The following RGS6 variants were observed in gnomAD, a reference collection of about 807,000 sequenced individuals.
RGS6 encodes the protein regulator of G protein signaling 6.
Under a neutral mutation model 78.5 loss-of-function variants are expected in RGS6, and 30 were observed. That is an observed-to-expected ratio of 0.38 (90% confidence interval 0.29 to 0.52). RGS6 has a LOEUF of 0.52. RGS6 is among the 20% of genes least tolerant of loss of function. The pLI is 0.85. For missense variants in RGS6, 495 were observed against 609.7 expected, an observed-to-expected ratio of 0.81 and a Z score of 1.98; for synonymous variants, 206 against 206.0, an observed-to-expected ratio of 1.00 and a Z score of 0.00.
intron 3 of RGS6, among the ~76,000 whole-genome samples, chr14:72,412,357 G>A (rs184897594): frequency 8.5e-4 from 130 of 152,320 alleles, no homozygotes; most frequent in Non-Finnish European, 1.5e-3. Context: ...TTTGCATAGA[G>A]GCGTTTATAG....
At chr14:72,114,465 T>C (rs911180769) in intron 2 of RGS6, among the ~76,000 whole-genome samples, 1 of 152,342 alleles carries the variant, frequency 6.6e-6, no homozygotes, top group African/African-American at 2.4e-5. Context: ...TTTGCCTTCA[T>C]AAACTGTCAG....
chr14:72,012,416 C>T (rs2085966460), intron 2 of RGS6, among the ~76,000 whole-genome samples: 1 of 152,134 alleles, frequency 6.6e-6, no homozygotes, highest in African/African-American at 2.4e-5. Flanking sequence ...ATGTCATGAA[C>T]ATTTCCTTAG....
chr14:72,464,036 A>G (rs981398860), intron 6 of RGS6, among the ~76,000 whole-genome samples: 6 of 152,230 alleles, frequency 3.9e-5, no homozygotes, highest in Non-Finnish European at 8.8e-5. Context: ...TATGAGCTGA[A>G]TAATTTTAGT....
chr14:71,899,983 A>G, the RGS6 span, among the ~76,000 whole-genome samples: 1 of 152,220 alleles, frequency 6.6e-6, no homozygotes, highest in African/African-American at 2.4e-5. Flanking sequence ...AACTTAAATC[A>G]CTTTTCTGGT....
At chr14:71,926,657 C>T in the RGS6 span, among the ~76,000 whole-genome samples, 1 of 149,874 alleles carries the variant, frequency 6.7e-6, no homozygotes, top group Non-Finnish European at 1.5e-5. Context: ...GTTGACAATA[C>T]CATGTGAGTT....
chr14:72,148,248 T>C (rs999770485), intron 2 of RGS6, among the ~76,000 whole-genome samples: 3 of 149,542 alleles, frequency 2.0e-5, no homozygotes, highest in African/African-American at 7.4e-5. Flanking sequence ...TAGAAAAAAA[T>C]TATTTGGGTA....
chr14:72,254,730 A>G (rs2056686899), intron 2 of RGS6, among the ~76,000 whole-genome samples: 1 of 152,148 alleles, frequency 6.6e-6, no homozygotes, highest in Admixed American at 6.5e-5. Context: ...GTGTCAAACT[A>G]TCAATCCTAC....
chr14:71,896,050 G>A, the RGS6 span, among the ~76,000 whole-genome samples: 6 of 152,096 alleles, frequency 3.9e-5, no homozygotes, highest in East Asian at 5.8e-4. Context: ...TCCCAGTGGG[G>A]TGGAGAAGGG....
the RGS6 span, among the ~76,000 whole-genome samples, chr14:71,891,581 T>C: frequency 5.3e-5 from 8 of 152,286 alleles, no homozygotes; most frequent in Non-Finnish European, 7.4e-5. Context: ...ACATGGATGG[T>C]GTTGGTTGAA....
intron 3 of RGS6, among the ~76,000 whole-genome samples, chr14:72,411,458 G>A (rs1258315242): frequency 6.6e-6 from 1 of 152,240 alleles, no homozygotes; most frequent in African/African-American, 2.4e-5. Flanking sequence ...AGCTTAAGGA[G>A]ATTTGGAGCT....
At chr14:72,305,402 A>C (rs996322788) in intron 2 of RGS6, among the ~76,000 whole-genome samples, 14 of 152,094 alleles carry the variant, frequency 9.2e-5, no homozygotes, top group Admixed American at 4.6e-4. Flanking sequence ...TTTTTTTACA[A>C]ATTGAAGGTT....
At chr14:72,352,286 T>G in intron 3 of RGS6, 92 bp downstream of exon 3, 1 of 815,302 alleles carries the variant, frequency 1.2e-6, no homozygotes, top group Non-Finnish European at 2.0e-6. Flanking sequence ...TGAAGATCTG[T>G]GAATAGTAAA....
the RGS6 span, among the ~76,000 whole-genome samples, chr14:72,603,256 T>C: frequency 3.3e-4 from 51 of 152,360 alleles, no homozygotes; most frequent in Non-Finnish European, 6.6e-4. Context: ...TGATTAATAA[T>C]GCAGCAAGAC....
At chr14:72,446,322 A>G (rs1373053137) in intron 3 of RGS6, among the ~76,000 whole-genome samples, 1 of 152,236 alleles carries the variant, frequency 6.6e-6, no homozygotes, top group African/African-American at 2.4e-5. Flanking sequence ...TAGCAAACTA[A>G]TATAGAAGAG....
intron 2 of RGS6, among the ~76,000 whole-genome samples, chr14:72,175,239 A>G (rs993678508): frequency 1.1e-4 from 17 of 152,122 alleles, no homozygotes; most frequent in African/African-American, 3.6e-4. Context: ...TTTGCATACC[A>G]TGTACCTGGA....
the RGS6 span, among the ~76,000 whole-genome samples, chr14:71,913,927 C>CT: frequency 6.6e-6 from 1 of 152,140 alleles, no homozygotes; most frequent in Non-Finnish European, 1.5e-5. Flanking sequence ...AATTTACCTG[C>CT]TAGAACTTAA....
chr14:72,367,875 G>A (rs1413930049), intron 3 of RGS6, among the ~76,000 whole-genome samples: 4 of 152,146 alleles, frequency 2.6e-5, no homozygotes, highest in Admixed American at 6.6e-5. Flanking sequence ...GATAGGTTTG[G>A]ATTAAATGAT....
At chr14:71,976,639 ATTTTCT>A (rs2094147007) in intron 2 of RGS6, among the ~76,000 whole-genome samples, 1 of 152,000 alleles carries the variant, frequency 6.6e-6, no homozygotes, top group African/African-American at 2.4e-5. Context: ...TATGTGCCAC[ATTTTCT>A]TAATCCAGTC....
At chr14:72,176,141 A>C (rs2097102108) in intron 2 of RGS6, among the ~76,000 whole-genome samples, 2 of 152,192 alleles carry the variant, frequency 1.3e-5, no homozygotes, top group Admixed American at 1.3e-4. Flanking sequence ...TAGTTGAAGT[A>C]AGGCAAAATT....
Sources: allele counts gnomAD v4.1 joint callset (sites outside exome capture counted in the v4.1 genomes callset), GRCh38; gene constraint gnomAD v4.1.1; transcripts MANE v1.5; gene names NCBI Gene and HGNC (gene_info 2026-07-23, HGNC 2026-07-21).